Variants in CEP290 observed in about 807,000 individuals in gnomAD.
CEP290 encodes the protein centrosomal protein of 290 kDa.
A neutral mutation model predicts 344.9 loss-of-function variants in CEP290; 317 were observed. The ratio of observed to expected loss-of-function variants is 0.92; its 90% CI spans 0.84 to 1.01. The LOEUF (loss-of-function observed/expected upper bound fraction) is 1.01, where lower values mean the gene tolerates loss of function less well. Among genes scored for constraint, CEP290 ranks in the 50% least tolerant of loss-of-function variants. The probability of loss-of-function intolerance (pLI) is 0.00; values close to 1 mark genes in which losing one functional copy is unlikely to be tolerated. For synonymous variants in CEP290, 932 were observed against 895.8 expected (o/e 1.04, Z -0.72); for missense variants, 2,754 against 2,761.4 (o/e 1.00, Z 0.06).
chr12:88,052,341 A>G (rs892038390), intron 52 of CEP290, among the ~76,000 whole-genome samples: 1 of 152,200 alleles, frequency 6.6e-6, no homozygotes, highest in African/African-American at 2.4e-5. Context: ...TATCCATCAA[A>G]ACATAAATGG....
At chr12:88,103,447 T>A (rs943393475) in intron 25 of CEP290, 1 of 152,878 alleles carries the variant, frequency 6.5e-6, no homozygotes, top group African/African-American at 2.4e-5. Flanking sequence ...ACGGACTAGC[T>A]TTAATAACAA....
intron 5 of CEP290, 52 bp from the exon 6 acceptor site, chr12:88,136,838 C>T: frequency 6.7e-7 from 1 of 1,486,642 alleles, no homozygotes; most frequent in South Asian, 1.2e-5. Flanking sequence ...TTTTGAGGTT[C>T]AAATGAGTCA....
chr12:88,100,283 A>C (rs2037776495), intron 26 of CEP290, among the ~76,000 whole-genome samples: 1 of 151,960 alleles, frequency 6.6e-6, no homozygotes, highest in Admixed American at 6.6e-5. Context: ...AAAAAAAACA[A>C]CAAAAAAAGA....
intron 26 of CEP290, among the ~76,000 whole-genome samples, chr12:88,101,891 G>T (rs1268142228): frequency 6.6e-6 from 1 of 152,094 alleles, no homozygotes; most frequent in Non-Finnish European, 1.5e-5. Flanking sequence ...TTTGGCAAAA[G>T]CAGCAGAAAG....
chr12:88,093,417 T>C (rs1385453431), intron 28 of CEP290, among the ~76,000 whole-genome samples: 1 of 152,100 alleles, frequency 6.6e-6, no homozygotes, highest in Non-Finnish European at 1.5e-5. Context: ...TTATTGTCTA[T>C]TTTGTTTCTT....
intron 41 of CEP290, 95 bp downstream of exon 41, chr12:88,077,127 C>G (rs779176707): frequency 1.0e-5 from 12 of 1,175,540 alleles, no homozygotes; most frequent in Non-Finnish European, 1.4e-5. Flanking sequence ...GCCAGGTCAT[C>G]AAATTAAGGC....
rs1422185944 is a variant in CEP290, at chr12:88,086,449, T to G, written c.4244A>C (p.Glu1415Ala). 1 of 1,601,096 alleles carries G rather than the reference T, an allele frequency of 6.2e-7. No individual in the cohort carries two copies. Among genetic ancestry groups the G allele is most frequent in the East Asian group, 2.2e-5 (1 of 44,664 alleles). ...ACGGTCAAAAATGTCTAGTTGGCGT[T>G]CCAGGTCAACTTCTCTTTGATCCCA... ...MAWDQREVDL[E>A]RQLDIFDRQQ... is the part of the protein sequence containing the mutation. The change falls in exon 33 of 54, where the codon GAA becomes GCA. Residue 1415 changes from glutamate (E) to alanine (A), a missense_variant. By Grantham distance (107) the Glu-to-Ala change is moderately radical (BLOSUM62 -1). Transcript: ENST00000552810.
chr12:88,057,303 G>A (rs1328064559), intron 49 of CEP290, among the ~76,000 whole-genome samples: 1 of 152,120 alleles, frequency 6.6e-6, no homozygotes, highest in Non-Finnish European at 1.5e-5. Flanking sequence ...TCTAGGCAAG[G>A]TGGGCTTTTA....
At position 88,062,771 on chromosome 12, in the gene CEP290, A is replaced by T; in HGVS notation, c.6278T>A (p.Val2093Asp). The T allele has an allele frequency of 1.9e-6, 3 of 1,572,666 alleles. No individual in the cohort carries two copies. Among genetic ancestry groups the T allele is most frequent in the Non-Finnish European group, 2.6e-6 (3 of 1,155,236 alleles). ...NKDLPRLKNQVRDLKEMCEFL... is the reference protein window; with the variant it reads ...NKDLPRLKNQDRDLKEMCEFL... ...TTCACACATTTCCTTCAAATCTCTG[A>T]CTTGATTCTGAAAGATAACAAGCAA... The change falls in exon 46 of 54, where the codon GTC (valine) becomes GAC (aspartate). Residue 2093 changes from valine to aspartate, a missense_variant. Physicochemically the swap from Val to Asp is radical, Grantham distance 152. Coordinates refer to ENST00000552810, the MANE Select transcript of CEP290 (RefSeq NM_025114.4).
intron 11 of CEP290, among the ~76,000 whole-genome samples, chr12:88,127,039 C>T (rs940581471): frequency 1.2e-4 from 1 of 8,612 alleles, no homozygotes; most frequent in Non-Finnish European, 1.2e-3. Context: ...GATATTAAAA[C>T]ATACACAAAT....
Position 88,120,219 on chromosome 12 carries a change from TAATTTG to T in CEP290, c.1411_1416del (p.Gln471_Ile472del). 1 of 1,514,060 alleles carries T rather than the reference TAATTTG, an allele frequency of 6.6e-7. No individual in the cohort carries two copies. Among genetic ancestry groups the T allele is most frequent in the Middle Eastern group, 2.0e-4 (1 of 5,092 alleles). 93.8% of individuals were successfully genotyped at this position (1,514,060 alleles called of 1,614,324 possible). A position where few individuals can be genotyped will look rare whatever the true frequency, so the allele number is the denominator to read the frequency against. ...ATTTCAATCTCTCGATCTCTTATTT[TAATTTG>T]GTTTTTACAATTCTTTATTTCAACG... On this transcript the variant is annotated inframe_deletion, in exon 15 of 54. Coordinates refer to ENST00000552810, the MANE Select transcript of CEP290 (RefSeq NM_025114.4).
intron 31 of CEP290, 26 bp from the exon 32 acceptor site, chr12:88,087,970 A>C: frequency 2.2e-6 from 2 of 912,190 alleles, no homozygotes; most frequent in Non-Finnish European, 2.9e-6. Flanking sequence ...TATATACACA[A>C]ATATAAATGC....
chr12:88,054,383 C>A lies in CEP290; in HGVS notation c.6991G>T (p.Ala2331Ser), dbSNP rs779626256. The A allele has an allele frequency of 1.2e-6, 2 of 1,611,570 alleles. No individual in the cohort carries two copies. Among genetic ancestry groups the A allele is most frequent in the South Asian group, 2.2e-5 (2 of 90,578 alleles). Residue 2331 changes from alanine to serine, a missense_variant, in exon 51 of 54, where the codon GCT becomes TCT. By Grantham distance (99) the Ala-to-Ser change is moderately conservative (BLOSUM62 1). Coordinates refer to ENST00000552810, the MANE Select transcript of CEP290 (RefSeq NM_025114.4). ...IKILKHVPEG[A>S]ETEQGLKREL... is the part of the protein sequence containing the mutation. ...CGTTTAAGGCCTTGCTCTGTCTCAG[C>A]ACCTTCAGGAACATGTTTAAGAATC... is the stretch of plus-strand genomic sequence containing the variant.
chr12:88,118,262 T>C (rs920451489), intron 17 of CEP290, among the ~76,000 whole-genome samples: 1 of 152,126 alleles, frequency 6.6e-6, no homozygotes, highest in Admixed American at 6.5e-5. Context: ...TTTTGTTTGC[T>C]TGGTTTTTGT....
At chr12:88,062,023 C>A (rs1001694938) in intron 46 of CEP290, among the ~76,000 whole-genome samples, 1 of 152,178 alleles carries the variant, frequency 6.6e-6, no homozygotes, top group South Asian at 2.1e-4. Context: ...CAGTGATCTG[C>A]CCGCCTCGGC....
At chr12:88,056,438 G>GATA (rs1272767611) in intron 49 of CEP290, among the ~76,000 whole-genome samples, 3 of 152,108 alleles carry the variant, frequency 2.0e-5, no homozygotes, top group Admixed American at 2.0e-4. Context: ...AATCTGCTAG[G>GATA]ATAATACAAG....
At chr12:88,103,278 C>T (rs1462713836) in intron 25 of CEP290, 1 of 209,054 alleles carries the variant, frequency 4.8e-6, no homozygotes, top group African/African-American at 2.3e-5. Context: ...TTTGAGAAAA[C>T]ATAACAAACA....
rs35708594 is a variant in CEP290, at chr12:88,067,214, T to TA, written c.6135+1307dup. On this transcript the variant is annotated intron_variant, in intron 44 of 53. Coordinates refer to ENST00000552810, the MANE Select transcript of CEP290 (RefSeq NM_025114.4). ...TATAACATTAAGTGAACACCAATTGTAAAAAAAAAAAAAGCACTAAATTAG... is the reference window on the plus strand; with the variant it reads ...TATAACATTAAGTGAACACCAATTGTAAAAAAAAAAAAAAGCACTAAATTAG... 6.6e-3 allele frequency among the ~76,000 whole-genome samples: 948 copies of TA among 143,080 alleles called. 8 individuals carry two copies. The highest frequency in any genetic ancestry group is 0.019 in the African/African-American group (748 of 38,694). The allele number at this position is 143,080 out of a possible 152,430, so 93.9% of individuals were successfully genotyped here.
At chr12:88,121,314 T>C (rs1378456505) in intron 13 of CEP290, 148 bp from the exon 14 acceptor site, 1 of 642,004 alleles carries the variant, frequency 1.6e-6, no homozygotes, top group African/African-American at 1.9e-5. Flanking sequence ...GAAAGTTTTG[T>C]TTTGGTTTTA....
Sources: gnomAD v4.1 joint callset for allele counts (sites outside exome capture counted in the v4.1 genomes callset) on GRCh38, gnomAD v4.1.1 for gene constraint, MANE v1.5 for transcripts, NCBI Gene and HGNC (gene_info 2026-07-23, HGNC 2026-07-21) for gene names.